The following AGBL4 variants were observed in gnomAD, a reference collection of about 807,000 sequenced individuals.
The protein encoded by AGBL4 is cytosolic carboxypeptidase 6.
A neutral mutation model predicts 66.4 loss-of-function variants in AGBL4; 58 were observed. That is an observed-to-expected ratio of 0.87 (90% CI 0.71 to 1.09). AGBL4 has a LOEUF of 1.09. Ranked by LOEUF, AGBL4 falls within the 50% of genes least tolerant of loss-of-function variation. AGBL4 has a pLI of 0.00. For synonymous variants in AGBL4, 234 were observed against 222.9 expected (o/e 1.05, Z -0.44); for missense variants, 579 against 631.0 (o/e 0.92, Z 0.88).
At chr1:48,635,729 G>C (rs1645658121) in intron 8 of AGBL4, among the ~76,000 whole-genome samples, 1 of 152,194 alleles carries the variant, frequency 6.6e-6, no homozygotes. Context: ...CACATCCTCA[G>C]TGGAGAGGAC....
chr1:49,447,794 T>C (rs1646192169), intron 3 of AGBL4, among the ~76,000 whole-genome samples: 1 of 152,172 alleles, frequency 6.6e-6, no homozygotes, highest in South Asian at 2.1e-4. Flanking sequence ...CTTGATTCCT[T>C]CTCCTTCTTT....
At chr1:49,762,408 TTTC>T (rs1652394076) in intron 2 of AGBL4, among the ~76,000 whole-genome samples, 1 of 151,852 alleles carries the variant, frequency 6.6e-6, no homozygotes, top group Non-Finnish European at 1.5e-5. Flanking sequence ...TCTTCTCAAT[TTTC>T]TTCTTTTTTT....
intron 9 of AGBL4, among the ~76,000 whole-genome samples, chr1:48,631,223 C>A (rs916061893): frequency 1.3e-5 from 2 of 152,134 alleles, no homozygotes; most frequent in African/African-American, 4.8e-5. Flanking sequence ...CACTGAAATT[C>A]AGGAGCAGAA....
chr1:49,202,826 A>G (rs1570048903), intron 4 of AGBL4, among the ~76,000 whole-genome samples: 1 of 152,244 alleles, frequency 6.6e-6, no homozygotes, highest in South Asian at 2.1e-4. Context: ...AAGGCAACCT[A>G]CAGAATGAGA....
At chr1:48,558,119 A>G (rs1205959134) in intron 11 of AGBL4, among the ~76,000 whole-genome samples, 1 of 152,256 alleles carries the variant, frequency 6.6e-6, no homozygotes, top group Non-Finnish European at 1.5e-5. Flanking sequence ...TGTAGACTGT[A>G]TGACTTAATG....
At chr1:49,113,012 C>T (rs937405359) in intron 4 of AGBL4, among the ~76,000 whole-genome samples, 4 of 150,338 alleles carry the variant, frequency 2.7e-5, no homozygotes, top group South Asian at 4.2e-4. Context: ...AGTGCAGTGG[C>T]GCAATCTCGG....
intron 6 of AGBL4, among the ~76,000 whole-genome samples, chr1:48,834,980 C>A (rs1293030804): frequency 6.6e-6 from 1 of 152,092 alleles, no homozygotes; most frequent in Non-Finnish European, 1.5e-5. Context: ...TATAATTAGG[C>A]TTTGCAGTGA....
At chr1:48,831,001 T>C (rs1225606812) in intron 6 of AGBL4, among the ~76,000 whole-genome samples, 1 of 152,164 alleles carries the variant, frequency 6.6e-6, no homozygotes, top group Admixed American at 6.5e-5. Context: ...GGTTATATAA[T>C]GTCAGGTAGC....
intron 4 of AGBL4, among the ~76,000 whole-genome samples, chr1:49,170,456 T>G (rs955392900): frequency 4.2e-5 from 6 of 143,154 alleles, no homozygotes; most frequent in Middle Eastern, 4.2e-3. Flanking sequence ...GTTTATATAA[T>G]ATATAAATTT....
chr1:49,617,601 A>G (rs532099948), intron 3 of AGBL4, among the ~76,000 whole-genome samples: 1 of 152,338 alleles, frequency 6.6e-6, no homozygotes, highest in Non-Finnish European at 1.5e-5. Flanking sequence ...ATCTACATGT[A>G]TAACCTGTAC....
chr1:48,893,929 T>C (rs72893746), intron 5 of AGBL4, among the ~76,000 whole-genome samples: 1,778 of 152,272 alleles, frequency 0.012, 32 homozygotes, highest in African/African-American at 0.04. Flanking sequence ...CAGCCTGGAC[T>C]GACTAAGAAA....
At chr1:49,340,877 C>G (rs991941966) in intron 3 of AGBL4, among the ~76,000 whole-genome samples, 8 of 152,134 alleles carry the variant, frequency 5.3e-5, no homozygotes, top group African/African-American at 1.2e-4. Flanking sequence ...ATCTTAAGAA[C>G]AAAAGCATTC....
At chr1:49,724,712 G>T (rs183235364) in intron 2 of AGBL4, among the ~76,000 whole-genome samples, 9 of 152,002 alleles carry the variant, frequency 5.9e-5, no homozygotes, top group African/African-American at 2.2e-4. Context: ...AGGTTATAAG[G>T]GTGGGGCTCT....
intron 3 of AGBL4, among the ~76,000 whole-genome samples, chr1:49,522,251 G>A (rs780904796): frequency 2.6e-5 from 4 of 151,878 alleles, no homozygotes; most frequent in East Asian, 1.9e-4. Context: ...GGTAAGTTTC[G>A]TAAGCTCTCT....
At chr1:49,218,810 T>A (rs1057153230) in intron 4 of AGBL4, among the ~76,000 whole-genome samples, 1 of 152,002 alleles carries the variant, frequency 6.6e-6, no homozygotes. Context: ...GGTAACTGAA[T>A]CATTGGGGCA....
chr1:49,803,827 T>C (rs540067804), intron 2 of AGBL4, among the ~76,000 whole-genome samples: 132 of 152,330 alleles, frequency 8.7e-4, no homozygotes, highest in African/African-American at 3.1e-3. Flanking sequence ...ATAAACCCAG[T>C]TTTTCTAATC....
intron 11 of AGBL4, among the ~76,000 whole-genome samples, chr1:48,554,464 C>A (rs573105776): frequency 1.3e-5 from 2 of 152,262 alleles, no homozygotes; most frequent in East Asian, 3.9e-4. Context: ...CATTATTGGT[C>A]ATTTCCTTGC....
chr1:49,304,841 C>T (rs1644821153), intron 3 of AGBL4, among the ~76,000 whole-genome samples: 1 of 152,078 alleles, frequency 6.6e-6, no homozygotes, highest in South Asian at 2.1e-4. Context: ...ATTTAATGTA[C>T]CCATATTTGG....
chr1:49,445,755 A>C (rs1646140348), intron 3 of AGBL4, among the ~76,000 whole-genome samples: 1 of 151,974 alleles, frequency 6.6e-6, no homozygotes, highest in Non-Finnish European at 1.5e-5. Context: ...TTTCCCATTC[A>C]TATCCTGAAT....
Sources: gnomAD v4.1 joint callset for allele counts (sites outside exome capture counted in the v4.1 genomes callset) on GRCh38, gnomAD v4.1.1 for gene constraint, MANE v1.5 for transcripts, NCBI Gene and HGNC (gene_info 2026-07-23, HGNC 2026-07-21) for gene names.